Variants in IFT57 observed in about 807,000 individuals in gnomAD.
IFT57 encodes intraflagellar transport 57, also known as intraflagellar transport protein 57 homolog.
Under a neutral mutation model 56.8 loss-of-function variants are expected in IFT57, and 59 were observed. The ratio of observed to expected loss-of-function variants is 1.04; its 90% CI spans 0.84 to 1.29. The LOEUF is 1.29. Among genes scored for constraint, IFT57 ranks in the 50% most tolerant of loss-of-function variants. The probability of loss-of-function intolerance (pLI) is 0.00; values close to 1 mark genes in which losing one functional copy is unlikely to be tolerated. For missense variants in IFT57, 470 were observed against 522.1 expected, an observed-to-expected ratio of 0.90 and a Z score of 0.97; for synonymous variants, 209 against 186.1, an observed-to-expected ratio of 1.12 and a Z score of -1.00.
rs1237082789 is a variant in IFT57 at position 108,165,468 on chromosome 3, T to C, written c.1007A>G (p.Asn336Ser). 6.2e-7 allele frequency: 1 copy of C among 1,612,756 alleles called. No homozygotes were observed. The highest frequency in any genetic ancestry group is 1.7e-5 in the Admixed American group (1 of 59,878). The change falls in exon 9 of 11, where the codon AAT becomes AGT. Residue 336 changes from asparagine to serine, a missense_variant. Asn to Ser is a conservative substitution (Grantham distance 46, BLOSUM62 1). Coordinates refer to ENST00000264538, the MANE Select transcript of IFT57 (RefSeq NM_018010.4). ...TCTGGTTCTTTCCGTCACTCCTCCA[T>C]TTCCCTGCTGGTATCGCTCCTTTGC... ...SEAKERYQQG[N>S]GGVTERTRLL...
At chr3:108,193,137 C>T (rs1050315428) in intron 5 of IFT57, among the ~76,000 whole-genome samples, 2 of 152,142 alleles carry the variant, frequency 1.3e-5, no homozygotes, top group Non-Finnish European at 2.9e-5. Context: ...ATTTATGTCA[C>T]TAAAATCACA....
chr3:108,177,034 A>G (rs2080128055), intron 6 of IFT57, among the ~76,000 whole-genome samples: 7 of 151,818 alleles, frequency 4.6e-5, no homozygotes, highest in Admixed American at 4.6e-4. Context: ...AGTTGCAATG[A>G]CCACTATATT....
intron 6 of IFT57, among the ~76,000 whole-genome samples, chr3:108,187,573 G>GT (rs1023847949): frequency 6.8e-6 from 1 of 147,428 alleles, no homozygotes; most frequent in African/African-American, 2.5e-5. Context: ...AATTAAACTT[G>GT]TTTTCATGTA....
chr3:108,219,837 T>C (rs910963742), intron 1 of IFT57, among the ~76,000 whole-genome samples: 1 of 152,202 alleles, frequency 6.6e-6, no homozygotes. Context: ...TAGTGCATGT[T>C]AGAGCACAGA....
At chr3:108,201,745 T>A (rs555390668) in intron 5 of IFT57, among the ~76,000 whole-genome samples, 21 of 152,228 alleles carry the variant, frequency 1.4e-4, no homozygotes, top group Middle Eastern at 3.4e-3. Context: ...AAAAGAAAAA[T>A]ATAAAACATA....
At chr3:108,219,644 C>T (rs1479883505) in intron 1 of IFT57, 72 bp from the exon 2 acceptor site, 11 of 1,429,466 alleles carry the variant, frequency 7.7e-6, no homozygotes, top group South Asian at 1.2e-5. Flanking sequence ...CTAATAGGGC[C>T]GAATTCACAA....
rs568074740 is a variant in IFT57 at position 108,219,695 on chromosome 3, G to C, written c.213-123C>G. 25 of 950,118 alleles carry C rather than the reference G, an allele frequency of 2.6e-5. 1 individual carries two copies. In the South Asian group the frequency reaches 3.7e-4, roughly 14 times the overall value. The allele number at this position is 950,118 out of a possible 1,614,324, so 58.9% of individuals were successfully genotyped here. ...TCTTCCCCCCAAATGGCCATCAAAA[G>C]ACCTCGATAATTCACCCTTTGAAGT... is the stretch of plus-strand genomic sequence containing the variant. On this transcript the variant is annotated intron_variant, in intron 1 of 10. Coordinates refer to ENST00000264538, the MANE Select transcript of IFT57 (RefSeq NM_018010.4).
intron 2 of IFT57, 117 bp downstream of exon 2, chr3:108,219,293 A>G: frequency 1.2e-6 from 1 of 807,048 alleles, no homozygotes; most frequent in South Asian, 1.8e-5. Context: ...GGTTTTACCT[A>G]AAAATAAATT....
intron 6 of IFT57, among the ~76,000 whole-genome samples, chr3:108,188,074 C>G (rs1300953556): frequency 6.6e-6 from 1 of 151,974 alleles, no homozygotes; most frequent in African/African-American, 2.4e-5. Flanking sequence ...TCTCCTAATG[C>G]TATCCTTCCC....
chr3:108,189,592 G>GT (rs1560112651), intron 6 of IFT57, among the ~76,000 whole-genome samples: 1 of 152,156 alleles, frequency 6.6e-6, no homozygotes, highest in East Asian at 1.9e-4. Context: ...TTCTCCTTCA[G>GT]TTTTTTATCT....
intron 9 of IFT57, 81 bp from the exon 10 acceptor site, chr3:108,163,810 A>T: frequency 1.3e-6 from 1 of 787,670 alleles, no homozygotes; most frequent in Non-Finnish European, 2.2e-6. Context: ...AGAAAATGTA[A>T]TTTAGATATT....
chr3:108,174,126 T>C (rs1276433754), intron 6 of IFT57, among the ~76,000 whole-genome samples: 8 of 151,080 alleles, frequency 5.3e-5, no homozygotes, highest in Non-Finnish European at 1.2e-4. Context: ...TATAAGGAAA[T>C]TGTATTACTT....
chr3:108,173,147 T>C (rs900203539), intron 6 of IFT57, among the ~76,000 whole-genome samples: 5 of 151,996 alleles, frequency 3.3e-5, no homozygotes, highest in African/African-American at 1.2e-4. Context: ...ATTAATTTTG[T>C]AATATTCATT....
rs575087163 is a variant in IFT57 at position 108,191,487 on chromosome 3, T to C, written c.777+34A>G. ...CCTGAAGTTTCCTTATAACTTTTTTTTTTTTTTAAGAAAATGTGTTCCCAC... is the reference window on the plus strand; with the variant it reads ...CCTGAAGTTTCCTTATAACTTTTTTCTTTTTTTAAGAAAATGTGTTCCCAC... On this transcript the variant is annotated intron_variant, in intron 6 of 10. Coordinates refer to ENST00000264538, the MANE Select transcript of IFT57 (RefSeq NM_018010.4). The C allele has an allele frequency of 2.2e-5, 33 of 1,510,292 alleles. No individual in the cohort carries two copies. The African/African-American group carries it at 4.5e-4, about 21-fold the overall frequency. The allele number at this position is 1,510,292 out of a possible 1,614,324, so 93.6% of individuals were successfully genotyped here.
In IFT57 at chr3:108,199,040, T is replaced by C. The variant is rs1182512619; in HGVS notation, c.655-7397A>G. ...TCACACAAAAAATTTCCATATACCC[T>C]TCATTCAGACACCACTTCCAAATGT... On this transcript the variant is annotated intron_variant, in intron 5 of 10. Transcript: ENST00000264538. Among the ~76,000 whole-genome samples the C allele has an allele frequency of 2.6e-5, 4 of 152,326 alleles. No individual in the cohort carries two copies. The East Asian group carries it at 7.7e-4, about 29-fold the overall frequency.
chr3:108,182,313 C>T (rs556356157), intron 6 of IFT57, among the ~76,000 whole-genome samples: 11 of 152,130 alleles, frequency 7.2e-5, no homozygotes, highest in East Asian at 1.9e-4. Flanking sequence ...AATATGAGAA[C>T]GCCTACCACT....
intron 5 of IFT57, among the ~76,000 whole-genome samples, chr3:108,193,437 C>A (rs2080226643): frequency 6.6e-6 from 1 of 152,084 alleles, no homozygotes; most frequent in African/African-American, 2.4e-5. Flanking sequence ...GAATGGATAA[C>A]TAATACATGT....
chr3:108,194,218 G>T (rs1021676761), intron 5 of IFT57, among the ~76,000 whole-genome samples: 1 of 152,098 alleles, frequency 6.6e-6, no homozygotes, highest in African/African-American at 2.4e-5. Context: ...TGAACAATTT[G>T]AAGTAGAAAC....
At chr3:108,207,910 G>A (rs2108324706) in intron 4 of IFT57, among the ~76,000 whole-genome samples, 1 of 152,284 alleles carries the variant, frequency 6.6e-6, no homozygotes, top group Admixed American at 6.5e-5. Flanking sequence ...GGGCGTGGTG[G>A]CGGGCGCCTG....
Sources: gnomAD v4.1 joint callset for allele counts (sites outside exome capture counted in the v4.1 genomes callset) on GRCh38, gnomAD v4.1.1 for gene constraint, MANE v1.5 for transcripts, NCBI Gene and HGNC (gene_info 2026-07-23, HGNC 2026-07-21) for gene names.